The following RALGAPA2 variants were observed in gnomAD, a reference collection of about 807,000 sequenced individuals.
The protein encoded by RALGAPA2 is Ral GTPase activating protein catalytic subunit alpha 2, also known as ral GTPase-activating protein subunit alpha-2.
RALGAPA2 carries 139 observed loss-of-function variants against 230.4 expected under a neutral mutation model. The observed-to-expected ratio is 0.60, with a 90% confidence interval of 0.53 to 0.69. The LOEUF (loss-of-function observed/expected upper bound fraction) is 0.69, where lower values mean the gene tolerates loss of function less well. Ranked by LOEUF, RALGAPA2 falls within the 30% of genes least tolerant of loss-of-function variation. RALGAPA2 has a pLI of 0.00. For missense variants in RALGAPA2, 2,163 were observed against 2,276.0 expected, an observed-to-expected ratio of 0.95 and a Z score of 1.01; for synonymous variants, 847 against 837.8, an observed-to-expected ratio of 1.01 and a Z score of -0.19.
intron 24 of RALGAPA2, among the ~76,000 whole-genome samples, chr20:20,542,000 T>G (rs2063655802): frequency 6.6e-6 from 1 of 152,174 alleles, no homozygotes; most frequent in South Asian, 2.1e-4. Context: ...GATTGTATAT[T>G]TAGAAAACCT....
intron 31 of RALGAPA2, among the ~76,000 whole-genome samples, chr20:20,520,571 C>T (rs1270207549): frequency 6.6e-6 from 1 of 152,188 alleles, no homozygotes; most frequent in East Asian, 1.9e-4. Context: ...TCATGGAAAG[C>T]CCTCATGGTG....
rs1467892948 is a variant in RALGAPA2 at position 20,472,695 on chromosome 20, T to C, written c.5495+134A>G. 5 of 863,092 alleles carry C rather than the reference T, an allele frequency of 5.8e-6. No individual in the cohort carries two copies. The Admixed American group carries it at 1.1e-4, about 19-fold the overall frequency. 53.5% of individuals were successfully genotyped at this position (863,092 alleles called of 1,614,324 possible). On this transcript the variant is annotated intron_variant, in intron 37 of 39. Coordinates refer to ENST00000202677, the MANE Select transcript of RALGAPA2 (RefSeq NM_020343.4). ...CAAATGCTATGAAAAACCACTATGT[T>C]ATTTTTAACAGAGGTTGAAAAAAAT...
chr20:20,604,629 G>A (rs1469858847), intron 15 of RALGAPA2, among the ~76,000 whole-genome samples: 2 of 152,054 alleles, frequency 1.3e-5, no homozygotes. Flanking sequence ...GGCTTTGAGT[G>A]TAGACCAACA....
chr20:20,534,343 G>A (rs1209507060), intron 26 of RALGAPA2, among the ~76,000 whole-genome samples: 1 of 152,018 alleles, frequency 6.6e-6, no homozygotes, highest in Non-Finnish European at 1.5e-5. Flanking sequence ...TACTCGGGAG[G>A]CTGAGGCAGG....
At chr20:20,425,273 C>T (rs1014930708) in intron 37 of RALGAPA2, among the ~76,000 whole-genome samples, 4 of 152,156 alleles carry the variant, frequency 2.6e-5, no homozygotes, top group Admixed American at 6.5e-5. Flanking sequence ...GGCTCAGGCA[C>T]GACACAACTG....
At chr20:20,589,451 C>T in intron 17 of RALGAPA2, 86 bp from the exon 18 acceptor site, 1 of 1,338,432 alleles carries the variant, frequency 7.5e-7, no homozygotes, top group South Asian at 1.4e-5. Flanking sequence ...ATATAGGTAA[C>T]TATTAAATTT....
chr20:20,684,633 C>A (rs1295259268), intron 1 of RALGAPA2, among the ~76,000 whole-genome samples: 2 of 152,172 alleles, frequency 1.3e-5, no homozygotes, highest in African/African-American at 4.8e-5. Flanking sequence ...CTACAGCACA[C>A]TCAGTTTATG....
chr20:20,631,334 C>G (rs1295079059), intron 9 of RALGAPA2, among the ~76,000 whole-genome samples: 2 of 152,186 alleles, frequency 1.3e-5, no homozygotes, highest in Admixed American at 1.3e-4. Context: ...CCAAGGATGT[C>G]CTAATCCCCA....
At chr20:20,528,060 G>A (rs1397491418) in intron 27 of RALGAPA2, among the ~76,000 whole-genome samples, 8 of 152,100 alleles carry the variant, frequency 5.3e-5, no homozygotes, top group African/African-American at 7.2e-5. Flanking sequence ...GCTAAGCTGT[G>A]CCTGGAGAAT....
rs561349822 is a variant in RALGAPA2, at chr20:20,449,475, T to C, written c.5495+23354A>G. On this transcript the variant is annotated intron_variant, in intron 37 of 39. Transcript: ENST00000202677. The stretch of plus-strand genomic sequence containing the variant: ...AGAATAAGACACTCAAGTTTCCTTT[T>C]ATCTTCACAGAAAAACAGATGCAAA... Among the ~76,000 whole-genome samples, 4 of 152,366 alleles carry C rather than the reference T, an allele frequency of 2.6e-5. No individual in the cohort carries two copies. The South Asian group carries it at 6.2e-4, about 24-fold the overall frequency.
At chr20:20,421,266 C>T (rs1037300352) in intron 37 of RALGAPA2, among the ~76,000 whole-genome samples, 4 of 152,196 alleles carry the variant, frequency 2.6e-5, no homozygotes, top group Admixed American at 2.0e-4. Context: ...TACGACCTCA[C>T]GTCTACTAGG....
rs144701258 is a variant in RALGAPA2 at position 20,414,427 on chromosome 20, C to T, written c.5496-2279G>A. ...CGTGCGCATTTTGCTAACTACTCTG[C>T]GGAAGCCACGTATCTGGAAAGTGGC... On this transcript the variant is annotated intron_variant, in intron 37 of 39. Coordinates refer to ENST00000202677, the MANE Select transcript of RALGAPA2 (RefSeq NM_020343.4). Among the ~76,000 whole-genome samples the T allele has an allele frequency of 8.4e-3, 1,275 of 152,282 alleles. 12 individuals carry two copies. Among genetic ancestry groups the T allele is most frequent in the African/African-American group, 0.028 (1,181 of 41,554 alleles).
At chr20:20,599,067 T>C (rs2065553257) in intron 16 of RALGAPA2, among the ~76,000 whole-genome samples, 1 of 152,214 alleles carries the variant, frequency 6.6e-6, no homozygotes, top group African/African-American at 2.4e-5. Flanking sequence ...AAATGCTTTA[T>C]ATGTTTAGCC....
chr20:20,666,648 G>A (rs1008312945), intron 3 of RALGAPA2, among the ~76,000 whole-genome samples: 1 of 152,232 alleles, frequency 6.6e-6, no homozygotes, highest in African/African-American at 2.4e-5. Flanking sequence ...CGCAGAAACT[G>A]TGGCAACTAG....
intron 37 of RALGAPA2, among the ~76,000 whole-genome samples, chr20:20,424,814 A>G (rs2060347476): frequency 6.6e-6 from 1 of 152,024 alleles, no homozygotes; most frequent in Non-Finnish European, 1.5e-5. Flanking sequence ...AAAAAAAAAA[A>G]GAAGAAATGC....
At chr20:20,517,919 A>G (rs930080813) in intron 31 of RALGAPA2, among the ~76,000 whole-genome samples, 18 of 152,212 alleles carry the variant, frequency 1.2e-4, no homozygotes, top group African/African-American at 4.3e-4. Flanking sequence ...ATGATAAAAC[A>G]AGGTTGAAAA....
At chr20:20,469,730 G>A (rs1230613667) in intron 37 of RALGAPA2, among the ~76,000 whole-genome samples, 6 of 152,192 alleles carry the variant, frequency 3.9e-5, no homozygotes, top group Admixed American at 1.3e-4. Flanking sequence ...TTGTGGAAAC[G>A]TCTATCAGTT....
chr20:20,495,735 G>A (rs1365401870), intron 35 of RALGAPA2, among the ~76,000 whole-genome samples: 1 of 152,134 alleles, frequency 6.6e-6, no homozygotes, highest in African/African-American at 2.4e-5. Context: ...CAACACAATT[G>A]TTACCAAATG....
At chr20:20,402,596 GC>G (rs2059868856) in intron 38 of RALGAPA2, among the ~76,000 whole-genome samples, 1 of 152,210 alleles carries the variant, frequency 6.6e-6, no homozygotes, top group South Asian at 2.1e-4. Context: ...ACCGCTGAGG[GC>G]CCCTCTAGTG....
Sources: gnomAD v4.1 joint callset for allele counts (sites outside exome capture counted in the v4.1 genomes callset) on GRCh38, gnomAD v4.1.1 for gene constraint, MANE v1.5 for transcripts, NCBI Gene and HGNC (gene_info 2026-07-23, HGNC 2026-07-21) for gene names.